The following WDR76 variants were observed in gnomAD, a reference collection of about 807,000 sequenced individuals.
WDR76 encodes WD repeat domain 76, also known as WD repeat-containing protein 76.
WDR76 carries 52 observed loss-of-function variants against 70.2 expected under a neutral mutation model. That is an observed-to-expected ratio of 0.74 (90% CI 0.59 to 0.93). The LOEUF (loss-of-function observed/expected upper bound fraction) is 0.93. Among genes scored for constraint, WDR76 ranks in the 40% least tolerant of loss-of-function variants. The pLI is 0.00. For synonymous variants in WDR76, 292 were observed against 271.1 expected (o/e 1.08, Z -0.76); for missense variants, 756 against 760.2 (o/e 0.99, Z 0.07).
At chr15:43,842,383 C>T (rs771429764) in intron 5 of WDR76, 32 bp from the exon 6 acceptor site, 121 of 1,597,420 alleles carry the variant, frequency 7.6e-5, no homozygotes, top group Non-Finnish European at 8.4e-5. Flanking sequence ...GGGCAGGGAG[C>T]CCAACAAATA....
chr15:43,841,948 A>G (rs1322547765), intron 5 of WDR76, among the ~76,000 whole-genome samples: 2 of 151,518 alleles, frequency 1.3e-5, no homozygotes, highest in African/African-American at 2.4e-5. Context: ...GCTCACTGCA[A>G]CCTCCAACAC....
chr15:43,862,401 T>C (rs1271489524), intron 12 of WDR76, among the ~76,000 whole-genome samples: 1 of 146,976 alleles, frequency 6.8e-6, no homozygotes, highest in Non-Finnish European at 1.5e-5. Context: ...CACTGCAGCC[T>C]CCGCCTCCTG....
At chr15:43,827,118 G>C (rs2087526881) in intron 1 of WDR76, 26 bp downstream of exon 1, 7 of 1,614,036 alleles carry the variant, frequency 4.3e-6, no homozygotes, top group Non-Finnish European at 5.1e-6. Flanking sequence ...GTGCTTCCAA[G>C]GTGTGCTCCT....
chr15:43,868,331 C>T lies in WDR76; in HGVS notation c.*1939C>T, dbSNP rs1417062688. The T allele has an allele frequency of 6.6e-6, 1 of 152,170 alleles. No individual in the cohort carries two copies. Among genetic ancestry groups the T allele is most frequent in the African/African-American group, 2.4e-5 (1 of 41,450 alleles). The allele number at this position is 152,170 out of a possible 1,614,324, so 9.4% of individuals were successfully genotyped here. A position where few individuals can be genotyped will look rare whatever the true frequency, so the allele number is the denominator to read the frequency against. On this transcript the variant is annotated 3_prime_UTR_variant, in exon 13 of 13. Transcript: ENST00000263795. ...TTTTAAAGATGCTGAAAACTACTCT[C>T]AATCAAATTAGTACCATCATTTAAG...
chr15:43,866,406 G>T lies in WDR76; in HGVS notation c.*14G>T, dbSNP rs758276935. 1.2e-6 allele frequency: 2 copies of T among 1,611,720 alleles called. No individual in the cohort carries two copies. The highest frequency in any genetic ancestry group is 2.7e-5 in the African/African-American group (2 of 74,818). ...AAAAGCTGCTGAGTTTTTGGTTTAGGAACATCAATTTGTTCAAATTGACCA... is the reference window on the plus strand; with the variant it reads ...AAAAGCTGCTGAGTTTTTGGTTTAGTAACATCAATTTGTTCAAATTGACCA... On this transcript the variant is annotated 3_prime_UTR_variant, in exon 13 of 13. Transcript: ENST00000263795.
intron 2 of WDR76, among the ~76,000 whole-genome samples, chr15:43,831,319 G>T (rs1358079663): frequency 6.6e-6 from 1 of 151,986 alleles, no homozygotes; most frequent in East Asian, 2.0e-4. Flanking sequence ...TTATTTTGTA[G>T]AGATGTGGGT....
At chr15:43,838,539 AG>A (rs1429092023) in intron 4 of WDR76, among the ~76,000 whole-genome samples, 1 of 152,174 alleles carries the variant, frequency 6.6e-6, no homozygotes, top group African/African-American at 2.4e-5. Flanking sequence ...TATATTGTTT[AG>A]CTTTGTCTTT....
chr15:43,853,165 A>C (rs955941440), intron 9 of WDR76, among the ~76,000 whole-genome samples: 5 of 152,118 alleles, frequency 3.3e-5, no homozygotes, highest in Admixed American at 6.6e-5. Flanking sequence ...TTGGGATTAC[A>C]GGTGTGAGCC....
chr15:43,855,193 G>C (rs2087913546), intron 9 of WDR76, among the ~76,000 whole-genome samples: 1 of 152,176 alleles, frequency 6.6e-6, no homozygotes, highest in African/African-American at 2.4e-5. Flanking sequence ...TTCGTAATTT[G>C]TTTCAGATAC....
At chr15:43,850,139 C>T (rs952245162) in intron 8 of WDR76, among the ~76,000 whole-genome samples, 1 of 152,000 alleles carries the variant, frequency 6.6e-6, no homozygotes, top group Non-Finnish European at 1.5e-5. Flanking sequence ...TGCCATATGG[C>T]ATAGAAACAT....
intron 10 of WDR76, chr15:43,857,640 T>C (rs2087944528): frequency 2.2e-6 from 1 of 453,042 alleles, no homozygotes; most frequent in Non-Finnish European, 2.9e-6. Flanking sequence ...GCCAATATGG[T>C]GAGACCCTGT....
intron 12 of WDR76, among the ~76,000 whole-genome samples, chr15:43,865,727 T>A (rs2088062054): frequency 6.6e-6 from 1 of 152,172 alleles, no homozygotes; most frequent in African/African-American, 2.4e-5. Flanking sequence ...TTTTAAAAAA[T>A]TTATGTAGGG....
At chr15:43,844,078 A>G in intron 8 of WDR76, 24 bp downstream of exon 8, 1 of 1,608,460 alleles carries the variant, frequency 6.2e-7, no homozygotes, top group Non-Finnish European at 8.5e-7. Flanking sequence ...TTTCTTGAAT[A>G]TATTATAGTT....
intron 9 of WDR76, among the ~76,000 whole-genome samples, chr15:43,855,720 G>A (rs957490210): frequency 6.6e-6 from 1 of 151,982 alleles, no homozygotes. Flanking sequence ...ATGGTGGCAC[G>A]CACCAGTAAT....
chr15:43,837,301 C>A (rs1246262586), intron 4 of WDR76, among the ~76,000 whole-genome samples: 1 of 152,118 alleles, frequency 6.6e-6, no homozygotes, highest in Non-Finnish European at 1.5e-5. Flanking sequence ...AAAAGCTGGA[C>A]CTTTAATCAT....
chr15:43,858,417 T>C (rs2087957097), intron 10 of WDR76: 1 of 361,070 alleles, frequency 2.8e-6, no homozygotes, highest in Non-Finnish European at 5.1e-6. Flanking sequence ...ACCACATTAA[T>C]CTTGTATTTT....
chr15:43,865,960 G>A (rs1241027050), intron 12 of WDR76, among the ~76,000 whole-genome samples, 168 bp from the exon 13 acceptor site: 2 of 152,176 alleles, frequency 1.3e-5, no homozygotes, highest in African/African-American at 4.8e-5. Flanking sequence ...CTGTCCAGAG[G>A]TTCAGTCCTG....
chr15:43,855,044 A>G (rs962985152), intron 9 of WDR76, among the ~76,000 whole-genome samples: 3 of 152,134 alleles, frequency 2.0e-5, no homozygotes, highest in Non-Finnish European at 2.9e-5. Flanking sequence ...ATCCCTGGCA[A>G]CTACTGAAGT....
At chr15:43,830,295 GC>G (rs2087570868) in intron 2 of WDR76, among the ~76,000 whole-genome samples, 2 of 152,108 alleles carry the variant, frequency 1.3e-5, no homozygotes, top group South Asian at 4.1e-4. Context: ...AGGCTCGGTG[GC>G]TCACGCCTGT....
Sources: gnomAD v4.1 joint callset for allele counts (sites outside exome capture counted in the v4.1 genomes callset) on GRCh38, gnomAD v4.1.1 for gene constraint, MANE v1.5 for transcripts, NCBI Gene and HGNC (gene_info 2026-07-23, HGNC 2026-07-21) for gene names.